ANKS1B: variants seen among roughly 807,000 people sequenced by gnomAD.
ANKS1B encodes the protein ankyrin repeat and sterile alpha motif domain containing 1B.
ANKS1B carries 36 observed loss-of-function variants against 148.3 expected under a neutral mutation model. The ratio of observed to expected loss-of-function variants is 0.24; its 90% CI spans 0.19 to 0.32. The LOEUF is 0.32. Among genes scored for constraint, ANKS1B ranks in the 10% least tolerant of loss-of-function variants. The pLI, the probability that ANKS1B is intolerant of heterozygous loss-of-function variation, is 1.00. For missense variants in ANKS1B, 1,157 were observed against 1,542.6 expected (o/e 0.75, Z 4.19); for synonymous variants, 542 against 560.8 (o/e 0.97, Z 0.47).
At chr12:99,900,317 C>T (rs1360719167) in intron 1 of ANKS1B, among the ~76,000 whole-genome samples, 1 of 151,604 alleles carries the variant, frequency 6.6e-6, no homozygotes, top group African/African-American at 2.4e-5. Flanking sequence ...AACAGCCTGG[C>T]TACCATGGCA....
intron 10 of ANKS1B, among the ~76,000 whole-genome samples, chr12:99,463,241 C>A (rs550848492): frequency 1.3e-5 from 2 of 152,340 alleles, no homozygotes; most frequent in East Asian, 3.9e-4. Flanking sequence ...GGAATACAGT[C>A]TTCTGGTTTT....
intron 1 of ANKS1B, among the ~76,000 whole-genome samples, chr12:99,971,718 C>G (rs11110164): frequency 0.069 from 10,511 of 152,060 alleles, 421 homozygotes; most frequent in South Asian, 0.1. Flanking sequence ...TAGGAATAAC[C>G]TGGATGCTGA....
chr12:99,964,145 A>G (rs1447794580), intron 1 of ANKS1B, among the ~76,000 whole-genome samples: 1 of 152,200 alleles, frequency 6.6e-6, no homozygotes, highest in African/African-American at 2.4e-5. Context: ...CCATTAAAGA[A>G]TGCAAAGTGC....
intron 10 of ANKS1B, among the ~76,000 whole-genome samples, chr12:99,477,023 G>A (rs1210904693): frequency 1.3e-5 from 2 of 152,060 alleles, no homozygotes; most frequent in Non-Finnish European, 2.9e-5. Flanking sequence ...GCCTCTCCAC[G>A]GAACACAAAG....
intron 14 of ANKS1B, among the ~76,000 whole-genome samples, chr12:99,229,243 TAA>T (rs1242549494): frequency 2.0e-5 from 3 of 151,900 alleles, no homozygotes; most frequent in Admixed American, 1.3e-4. Flanking sequence ...ATTTCTGTGG[TAA>T]TATATATAGA....
chr12:99,320,101 C>T (rs567737409), intron 12 of ANKS1B, among the ~76,000 whole-genome samples: 1 of 152,308 alleles, frequency 6.6e-6, no homozygotes, highest in Admixed American at 6.5e-5. Flanking sequence ...GTAACCTGCC[C>T]TTTCTCTCTG....
chr12:99,271,437 T>A (rs1245556129), intron 12 of ANKS1B, among the ~76,000 whole-genome samples: 1 of 152,016 alleles, frequency 6.6e-6, no homozygotes, highest in Non-Finnish European at 1.5e-5. Flanking sequence ...TATTTGTGCA[T>A]ATCTATCCTT....
At chr12:99,814,949 A>C (rs982244981) in intron 2 of ANKS1B, among the ~76,000 whole-genome samples, 1 of 151,806 alleles carries the variant, frequency 6.6e-6, no homozygotes, top group African/African-American at 2.4e-5. Context: ...TGGATCTAAA[A>C]TGTAGAATTT....
chr12:99,707,678 G>A (rs1366038397), intron 8 of ANKS1B, among the ~76,000 whole-genome samples: 4 of 151,946 alleles, frequency 2.6e-5, no homozygotes, highest in African/African-American at 9.7e-5. Context: ...CTACATTATT[G>A]TACAGAAAGA....
At chr12:98,838,413 G>A (rs201402) in intron 17 of ANKS1B, among the ~76,000 whole-genome samples, 51,508 of 151,922 alleles carry the variant, frequency 0.34, 10,400 homozygotes, top group East Asian at 0.62. Flanking sequence ...ACCAACTCCT[G>A]GGAAAATCAC....
At chr12:99,530,457 A>C (rs1216646411) in intron 9 of ANKS1B, among the ~76,000 whole-genome samples, 3 of 152,208 alleles carry the variant, frequency 2.0e-5, no homozygotes, top group African/African-American at 7.2e-5. Flanking sequence ...AGGAACAGAG[A>C]GAAGCCCAGT....
At chr12:98,846,053 TCC>T (rs1182673392) in intron 17 of ANKS1B, among the ~76,000 whole-genome samples, 1 of 151,476 alleles carries the variant, frequency 6.6e-6, no homozygotes, top group Admixed American at 6.6e-5. Flanking sequence ...TTTTGTTCTT[TCC>T]TGCCTAAGGG....
intron 14 of ANKS1B, among the ~76,000 whole-genome samples, chr12:99,208,566 T>C (rs1044605269): frequency 6.6e-6 from 1 of 152,106 alleles, no homozygotes; most frequent in Non-Finnish European, 1.5e-5. Flanking sequence ...CTAATTCTGG[T>C]TATTGTGCTA....
chr12:99,215,156 C>T (rs1170083374), intron 14 of ANKS1B, among the ~76,000 whole-genome samples: 1 of 152,196 alleles, frequency 6.6e-6, no homozygotes, highest in African/African-American at 2.4e-5. Context: ...GGTGCAATCC[C>T]CAAGCCTTTG....
At chr12:99,003,370 G>A (rs2099934149) in intron 17 of ANKS1B, among the ~76,000 whole-genome samples, 1 of 151,950 alleles carries the variant, frequency 6.6e-6, no homozygotes, top group African/African-American at 2.4e-5. Context: ...TATAAAAAAT[G>A]CCATCGAGAT....
At chr12:99,858,374 A>G (rs2089513126) in intron 1 of ANKS1B, among the ~76,000 whole-genome samples, 1 of 152,134 alleles carries the variant, frequency 6.6e-6, no homozygotes, top group African/African-American at 2.4e-5. Flanking sequence ...CAAAAAAATA[A>G]TAGATGGTGG....
intron 12 of ANKS1B, among the ~76,000 whole-genome samples, chr12:99,276,199 C>T (rs1242850484): frequency 6.6e-6 from 1 of 152,102 alleles, no homozygotes; most frequent in African/African-American, 2.4e-5. Context: ...GTTAGAGAAG[C>T]TCTGGGTGAA....
intron 17 of ANKS1B, among the ~76,000 whole-genome samples, chr12:98,953,796 A>AT (rs549132915): frequency 6.6e-6 from 1 of 151,272 alleles, no homozygotes. Context: ...GCCTCTGGTA[A>AT]TTTTTTTTCC....
chr12:99,671,231 C>T (rs972760582), intron 8 of ANKS1B, among the ~76,000 whole-genome samples: 3 of 152,086 alleles, frequency 2.0e-5, no homozygotes, highest in South Asian at 2.1e-4. Context: ...TGTGTATATA[C>T]GTTTTGATTA....
Sources: allele counts gnomAD v4.1 joint callset (sites outside exome capture counted in the v4.1 genomes callset), GRCh38; gene constraint gnomAD v4.1.1; transcripts MANE v1.5; gene names NCBI Gene and HGNC (gene_info 2026-07-23, HGNC 2026-07-21).